CCDC30: variants seen among roughly 807,000 people sequenced by gnomAD.
CCDC30 encodes coiled-coil domain containing 30.
In CCDC30, 70 loss-of-function variants were observed where a neutral mutation model predicts 100.2. The observed-to-expected ratio is 0.70, with a 90% CI of 0.58 to 0.85. CCDC30 has a LOEUF of 0.85. Among genes scored for constraint, CCDC30 ranks in the 40% least tolerant of loss-of-function variants. The probability of loss-of-function intolerance (pLI) is 0.00; values close to 1 mark genes in which losing one functional copy is unlikely to be tolerated. For synonymous variants in CCDC30, 233 were observed against 269.5 expected, an observed-to-expected ratio of 0.86 and a Z score of 1.33; for missense variants, 652 against 771.2, an observed-to-expected ratio of 0.85 and a Z score of 1.83.
chr1:42,572,405 T>C (rs1053007553), intron 7 of CCDC30, among the ~76,000 whole-genome samples: 1 of 152,210 alleles, frequency 6.6e-6, no homozygotes, highest in Non-Finnish European at 1.5e-5. Flanking sequence ...GTTTTTTAAA[T>C]ACATGAACCC....
chr1:42,573,781 T>A (rs1311718580), intron 7 of CCDC30, among the ~76,000 whole-genome samples: 1 of 152,120 alleles, frequency 6.6e-6, no homozygotes, highest in Non-Finnish European at 1.5e-5. Flanking sequence ...TTTATTACAT[T>A]AAGGAAATTG....
Position 42,466,579 on chromosome 1 carries a change from C to G in CCDC30, c.-92+2681C>G, listed in dbSNP as rs185778797. Among the ~76,000 whole-genome samples the G allele has an allele frequency of 1.3e-4, 19 of 150,362 alleles. 1 individual carries two copies. Among genetic ancestry groups the G allele is most frequent in the Admixed American group, 6.6e-4 (10 of 15,096 alleles). On this transcript the variant is annotated intron_variant, in intron 1 of 16. Transcript: ENST00000668663. ...TTTGTTTTTTTTTTTTGAGATGGAG[C>G]CTTGCTCTGTCGCCCAGGCTGGAGT...
At chr1:42,502,445 C>A (rs2148481213) in intron 6 of CCDC30, among the ~76,000 whole-genome samples, 1 of 152,324 alleles carries the variant, frequency 6.6e-6, no homozygotes, top group African/African-American at 2.4e-5. Flanking sequence ...AGATGCCCCG[C>A]CCTGCTTCGG....
At chr1:42,503,246 G>C (rs1644348100) in intron 6 of CCDC30, among the ~76,000 whole-genome samples, 1 of 152,162 alleles carries the variant, frequency 6.6e-6, no homozygotes, top group Admixed American at 6.5e-5. Context: ...ACACTAAGAA[G>C]ATTAAAGACA....
intron 6 of CCDC30, among the ~76,000 whole-genome samples, chr1:42,543,343 C>T (rs1453334145): frequency 6.6e-6 from 1 of 151,178 alleles, no homozygotes; most frequent in Non-Finnish European, 1.5e-5. Flanking sequence ...CTTTCTTTCT[C>T]ACTCAGTTGT....
At chr1:42,612,435 G>A (rs529938300) in intron 11 of CCDC30, among the ~76,000 whole-genome samples, 27 of 152,336 alleles carry the variant, frequency 1.8e-4, no homozygotes, top group African/African-American at 6.5e-4. Context: ...TGTAAGGGTC[G>A]TGGCTGGATG....
intron 10 of CCDC30, among the ~76,000 whole-genome samples, chr1:42,609,559 T>C (rs894178169): frequency 6.6e-6 from 1 of 152,168 alleles, no homozygotes; most frequent in African/African-American, 2.4e-5. Flanking sequence ...GTCCTAGAGT[T>C]TTTGCCAATT....
chr1:42,620,546 C>A (rs2148656585), intron 11 of CCDC30, among the ~76,000 whole-genome samples: 1 of 147,840 alleles, frequency 6.8e-6, no homozygotes, highest in South Asian at 2.1e-4. Flanking sequence ...TCAGGCAGAG[C>A]ACAGTTATTC....
rs35373038 is a variant in CCDC30 at position 42,596,528 on chromosome 1, G to GA, written c.1164+7055dup. Reference sequence around the variant, plus strand: ...GTCCCACAAAAGGGAGGTGGGTGGAGAAAAAAAAAACTAGCACGTGTGAAA... The same window carrying GA: ...GTCCCACAAAAGGGAGGTGGGTGGAGAAAAAAAAAAACTAGCACGTGTGAAA... On this transcript the variant is annotated intron_variant, in intron 10 of 16. Transcript: ENST00000668663. This position sits in a 1 kb window ranked among gnomAD's most constrained non-coding sequence, Gnocchi z 4.3. Among the ~76,000 whole-genome samples, 13 of 147,642 alleles carry GA rather than the reference G, an allele frequency of 8.8e-5. No individual in the cohort carries two copies. Among genetic ancestry groups the GA allele is most frequent in the South Asian group, 4.3e-4 (2 of 4,654 alleles).
chr1:42,536,440 A>T, intron 6 of CCDC30, 36 bp from the exon 7 acceptor site: 2 of 1,300,248 alleles, frequency 1.5e-6, no homozygotes, highest in Non-Finnish European at 2.1e-6. Flanking sequence ...CACTGCTATT[A>T]TATATAAAAT....
At chr1:42,585,565 A>G (rs1054100189) in intron 9 of CCDC30, among the ~76,000 whole-genome samples, 2 of 151,346 alleles carry the variant, frequency 1.3e-5, no homozygotes, top group African/African-American at 4.9e-5. Flanking sequence ...CATTTTTACT[A>G]TTTCTTTGCT....
At position 42,596,026 on chromosome 1, in the gene CCDC30, A is replaced by G. The variant is rs1416975283; in HGVS notation, c.1164+6543A>G. ...CTGACAACAAGTGAAATGCCAAACA[A>G]ACTGAAAAATCAACACATTTCCCTA... is the stretch of plus-strand genomic sequence containing the variant. On this transcript the variant is annotated intron_variant, in intron 10 of 16. Transcript: ENST00000668663. The surrounding 1 kb of genome is among the most constrained non-coding windows in gnomAD (Gnocchi z 4.3). Among the ~76,000 whole-genome samples the G allele has an allele frequency of 6.6e-6, 1 of 152,230 alleles. No homozygotes were observed. Among genetic ancestry groups the G allele is most frequent in the Non-Finnish European group, 1.5e-5 (1 of 68,044 alleles).
intron 10 of CCDC30, chr1:42,592,750 T>C (rs1440387636): frequency 6.6e-6 from 1 of 151,896 alleles, no homozygotes; most frequent in Non-Finnish European, 1.5e-5. Flanking sequence ...AAAATATAAA[T>C]AAATAAAGTA....
intron 6 of CCDC30, among the ~76,000 whole-genome samples, chr1:42,502,803 G>C (rs1644341002): frequency 6.6e-6 from 1 of 152,112 alleles, no homozygotes; most frequent in Non-Finnish European, 1.5e-5. Context: ...GTGGACATTT[G>C]TGTCTGCCTT....
At chr1:42,633,501 A>C (rs917525950) in intron 11 of CCDC30, among the ~76,000 whole-genome samples, 4 of 152,166 alleles carry the variant, frequency 2.6e-5, no homozygotes, top group African/African-American at 7.2e-5. Flanking sequence ...TTTCATTAAC[A>C]TACAAAAGAC....
chr1:42,576,983 C>T (rs1645850769), intron 7 of CCDC30, 37 bp from the exon 12 acceptor site: 1 of 1,475,316 alleles, frequency 6.8e-7, no homozygotes, highest in Admixed American at 1.7e-5. Flanking sequence ...TCATTCCACA[C>T]TTATTTGTAT....
downstream of CCDC30, among the ~76,000 whole-genome samples, chr1:42,655,867 CTTTTTTTT>C (rs766715541): frequency 5.7e-5 from 5 of 87,300 alleles, no homozygotes; most frequent in South Asian, 8.7e-4. Flanking sequence ...GCTGTTTTTA[CTTTTTTTT>C]TTTTTTTTTT....
intron 7 of CCDC30, among the ~76,000 whole-genome samples, chr1:42,567,488 A>T (rs1161000346): frequency 1.3e-5 from 2 of 152,168 alleles, no homozygotes; most frequent in Admixed American, 6.5e-5. Context: ...CTAGTAGGGG[A>T]GATATAGAGG....
chr1:42,632,708 C>T (rs531515611), intron 11 of CCDC30, among the ~76,000 whole-genome samples: 5 of 151,208 alleles, frequency 3.3e-5, no homozygotes, highest in African/African-American at 4.9e-5. Flanking sequence ...TGCAGTGAGC[C>T]GAGATCGTGC....
Sources: allele counts gnomAD v4.1 joint callset (sites outside exome capture counted in the v4.1 genomes callset), GRCh38; gene constraint gnomAD v4.1.1; non-coding constraint Gnocchi (gnomAD v3.1); transcripts MANE v1.5; gene names NCBI Gene and HGNC (gene_info 2026-07-23, HGNC 2026-07-21).